HCRTR2: variants seen among roughly 807,000 people sequenced by gnomAD.
The protein encoded by HCRTR2 is hypocretin receptor 2.
A neutral mutation model predicts 49.0 loss-of-function variants in HCRTR2; 22 were observed. The observed-to-expected ratio is 0.45, with a 90% CI of 0.32 to 0.64. HCRTR2 has a LOEUF of 0.64. HCRTR2 is among the 30% of genes least tolerant of loss of function. The pLI, the probability that HCRTR2 is intolerant of heterozygous loss-of-function variation, is 0.04. For missense variants in HCRTR2, 491 were observed against 559.4 expected (o/e 0.88, Z 1.23); for synonymous variants, 236 against 205.3 (o/e 1.15, Z -1.28).
chr6:55,152,110 A>C (rs1223654718), intron 1 of HCRTR2, among the ~76,000 whole-genome samples: 1 of 152,026 alleles, frequency 6.6e-6, no homozygotes, highest in Non-Finnish European at 1.5e-5. Context: ...GTATGCCTGC[A>C]TAACCAAGTT....
At chr6:55,130,182 T>A (rs1764334678) in intron 1 of HCRTR2, among the ~76,000 whole-genome samples, 2 of 151,910 alleles carry the variant, frequency 1.3e-5, no homozygotes, top group South Asian at 4.1e-4. Flanking sequence ...ATCTAAGGCC[T>A]TTCTCTAAAT....
chr6:55,271,655 G>A (rs1277563714), intron 4 of HCRTR2, among the ~76,000 whole-genome samples: 1 of 151,970 alleles, frequency 6.6e-6, no homozygotes, highest in Non-Finnish European at 1.5e-5. Context: ...TTTGTATCCA[G>A]AATATACAAA....
At chr6:55,277,259 C>T (rs1475626130) in intron 4 of HCRTR2, 121 bp from the exon 5 acceptor site, 2 of 797,494 alleles carry the variant, frequency 2.5e-6, no homozygotes, top group Non-Finnish European at 4.3e-6. Flanking sequence ...GAAACAGGCG[C>T]TCAAACCTCC....
chr6:55,162,030 C>A (rs546664543), intron 1 of HCRTR2, among the ~76,000 whole-genome samples: 1 of 151,948 alleles, frequency 6.6e-6, no homozygotes, highest in Non-Finnish European at 1.5e-5. Flanking sequence ...GACATACACA[C>A]AAAAAAGAAA....
At chr6:55,152,522 G>A (rs1029360467) in intron 1 of HCRTR2, among the ~76,000 whole-genome samples, 1 of 151,782 alleles carries the variant, frequency 6.6e-6, no homozygotes, top group Non-Finnish European at 1.5e-5. Flanking sequence ...GTAAGTTTGG[G>A]CTGCTTTAAC....
chr6:55,270,105 C>T (rs1167757743), intron 4 of HCRTR2, among the ~76,000 whole-genome samples: 2 of 152,026 alleles, frequency 1.3e-5, no homozygotes, highest in Non-Finnish European at 2.9e-5. Context: ...CTAACATAAC[C>T]ACCAAAGATC....
intron 1 of HCRTR2, among the ~76,000 whole-genome samples, chr6:55,238,068 T>C (rs1224611391): frequency 1.3e-5 from 2 of 152,202 alleles, no homozygotes; most frequent in African/African-American, 4.8e-5. Flanking sequence ...TAAATCTAAA[T>C]GCCAACTGGG....
intron 1 of HCRTR2, among the ~76,000 whole-genome samples, chr6:55,238,211 A>T (rs1766250712): frequency 6.6e-6 from 1 of 152,152 alleles, no homozygotes; most frequent in Non-Finnish European, 1.5e-5. Flanking sequence ...CCCAGCTGTC[A>T]AGCAATATAC....
upstream of HCRTR2, chr6:55,174,394 G>C: frequency 1.6e-6 from 1 of 631,676 alleles, no homozygotes; most frequent in Non-Finnish European, 2.9e-6. Context: ...CGCCTGTAAA[G>C]ACAGCAAAGC....
At chr6:55,141,983 T>G (rs1764513476) in intron 1 of HCRTR2, among the ~76,000 whole-genome samples, 1 of 152,112 alleles carries the variant, frequency 6.6e-6, no homozygotes, top group Admixed American at 6.5e-5. Context: ...GTTGATAAAA[T>G]ATTCCACATT....
upstream of HCRTR2, among the ~76,000 whole-genome samples, chr6:55,171,680 G>T (rs1450914590): frequency 1.3e-5 from 2 of 152,140 alleles, no homozygotes; most frequent in Non-Finnish European, 2.9e-5. Flanking sequence ...GTAGGATCAA[G>T]ATAAATACAG....
chr6:55,121,449 A>G (rs1222108797), intron 1 of HCRTR2, among the ~76,000 whole-genome samples: 3 of 152,088 alleles, frequency 2.0e-5, no homozygotes, highest in African/African-American at 7.2e-5. Flanking sequence ...CTCTTTTCTT[A>G]ACTGAATATG....
intron 1 of HCRTR2, among the ~76,000 whole-genome samples, chr6:55,245,551 C>T (rs543410995): frequency 1.4e-5 from 2 of 144,664 alleles, no homozygotes; most frequent in Admixed American, 1.5e-4. Flanking sequence ...CTTACAAGAT[C>T]TCAAACTGTC....
intron 1 of HCRTR2, among the ~76,000 whole-genome samples, chr6:55,200,210 T>C (rs1431375949): frequency 6.6e-6 from 1 of 151,544 alleles, no homozygotes; most frequent in Non-Finnish European, 1.5e-5. Context: ...TTTTACTATA[T>C]ATGTTTTTGT....
At chr6:55,208,306 T>C (rs535644171) in intron 1 of HCRTR2, among the ~76,000 whole-genome samples, 2 of 143,624 alleles carry the variant, frequency 1.4e-5, no homozygotes, top group African/African-American at 5.2e-5. Context: ...TGAAAAACAG[T>C]CTCTACGAAA....
intron 1 of HCRTR2, among the ~76,000 whole-genome samples, chr6:55,164,838 T>G (rs1764854460): frequency 6.6e-6 from 1 of 151,934 alleles, no homozygotes; most frequent in South Asian, 2.1e-4. Context: ...TGGAGACCAA[T>G]CCTGGAGTGA....
chr6:55,144,288 T>A (rs537194452), intron 1 of HCRTR2, among the ~76,000 whole-genome samples: 17 of 151,376 alleles, frequency 1.1e-4, no homozygotes, highest in Non-Finnish European at 2.4e-4. Context: ...AATTTTGTAT[T>A]TTTTTTTAGT....
chr6:55,190,248 T>TA (rs1765293513), intron 1 of HCRTR2, among the ~76,000 whole-genome samples: 2 of 152,244 alleles, frequency 1.3e-5, no homozygotes, highest in Admixed American at 1.3e-4. Flanking sequence ...AGGGAACTTA[T>TA]ACTCTAGTGA....
intron 1 of HCRTR2, among the ~76,000 whole-genome samples, chr6:55,143,130 T>G (rs1333445873): frequency 3.3e-5 from 5 of 149,774 alleles, no homozygotes; most frequent in African/African-American, 7.4e-5. Context: ...AAATATTTTT[T>G]AAGTTAATAG....
Sources: gnomAD v4.1 joint callset for allele counts (sites outside exome capture counted in the v4.1 genomes callset) on GRCh38, gnomAD v4.1.1 for gene constraint, MANE v1.5 for transcripts, NCBI Gene and HGNC (gene_info 2026-07-23, HGNC 2026-07-21) for gene names.